TRAPPC9: variants seen among roughly 807,000 people sequenced by gnomAD.
TRAPPC9 encodes IKK2 binding protein.
A neutral mutation model predicts 124.0 loss-of-function variants in TRAPPC9; 83 were observed. The observed-to-expected ratio is 0.67, with a 90% CI of 0.56 to 0.80. The LOEUF (loss-of-function observed/expected upper bound fraction) is 0.80, where lower values mean the gene tolerates loss of function less well. TRAPPC9 is among the 30% of genes least tolerant of loss of function. TRAPPC9 has a pLI of 0.00. For missense variants in TRAPPC9, 1,302 were observed against 1,508.3 expected (o/e 0.86, Z 2.27); for synonymous variants, 638 against 617.5 (o/e 1.03, Z -0.49).
At chr8:139,829,628 C>T (rs1472032766) in intron 21 of TRAPPC9, among the ~76,000 whole-genome samples, 6 of 152,178 alleles carry the variant, frequency 3.9e-5, no homozygotes, top group Admixed American at 6.5e-5. Flanking sequence ...AGAATCAACA[C>T]GAACTCCTGC....
At chr8:140,152,659 C>T (rs555276453) in intron 17 of TRAPPC9, among the ~76,000 whole-genome samples, 67 of 152,164 alleles carry the variant, frequency 4.4e-4, no homozygotes, top group African/African-American at 1.4e-3. Context: ...TGAGCCACTG[C>T]GCCCGGCCAT....
At chr8:140,219,875 C>T (rs540318963) in intron 17 of TRAPPC9, among the ~76,000 whole-genome samples, 26 of 152,296 alleles carry the variant, frequency 1.7e-4, no homozygotes, top group Non-Finnish European at 2.4e-4. Flanking sequence ...TGAATTCAGA[C>T]GAAAGAAACA....
intron 21 of TRAPPC9, among the ~76,000 whole-genome samples, chr8:139,855,269 T>C (rs969939595): frequency 6.6e-6 from 1 of 152,156 alleles, no homozygotes; most frequent in African/African-American, 2.4e-5. Context: ...TTTTCCTCGG[T>C]AATCAGGTGA....
chr8:139,780,016 T>A (rs1490796623), intron 21 of TRAPPC9, among the ~76,000 whole-genome samples: 1 of 152,046 alleles, frequency 6.6e-6, no homozygotes, highest in African/African-American at 2.4e-5. Context: ...GAAAATCAAA[T>A]AAGAACTAAA....
At chr8:140,405,365 C>T in intron 6 of TRAPPC9, 1 of 498,108 alleles carries the variant, frequency 2.0e-6, no homozygotes. Flanking sequence ...CCTTTTTTCT[C>T]TCTTTTCCAA....
chr8:139,985,792 G>A (rs542364653), intron 19 of TRAPPC9, among the ~76,000 whole-genome samples: 3 of 152,296 alleles, frequency 2.0e-5, no homozygotes, highest in South Asian at 2.1e-4. Context: ...CACAGTGAGT[G>A]CATTAGCATG....
chr8:140,119,181 CA>C (rs1180258135), intron 17 of TRAPPC9, among the ~76,000 whole-genome samples: 1 of 152,212 alleles, frequency 6.6e-6, no homozygotes, highest in Non-Finnish European at 1.5e-5. Context: ...GGCAGCCAGC[CA>C]AACCACGCCA....
At chr8:140,191,916 T>A (rs1240795165) in intron 17 of TRAPPC9, among the ~76,000 whole-genome samples, 1 of 152,128 alleles carries the variant, frequency 6.6e-6, no homozygotes, top group African/African-American at 2.4e-5. Context: ...CTTTCCAACA[T>A]GACACTAACA....
At chr8:140,361,440 G>A (rs117741178) in intron 8 of TRAPPC9, among the ~76,000 whole-genome samples, 222 of 152,282 alleles carry the variant, frequency 1.5e-3, no homozygotes, top group Non-Finnish European at 2.7e-3. Context: ...ATGAGAAGGG[G>A]GCCACGCCAA....
intron 18 of TRAPPC9, chr8:140,008,513 C>A (rs1400620899): frequency 1.3e-5 from 2 of 152,266 alleles, no homozygotes; most frequent in Non-Finnish European, 2.9e-5. Context: ...GGTAAAGCAG[C>A]CACTGATGGC....
intron 17 of TRAPPC9, among the ~76,000 whole-genome samples, chr8:140,139,984 T>G (rs1410930392): frequency 1.3e-5 from 2 of 152,210 alleles, no homozygotes; most frequent in Non-Finnish European, 1.5e-5. Context: ...TACCATTTAC[T>G]GAGGGAGTGG....
chr8:140,415,831 G>C (rs934430474), intron 5 of TRAPPC9, among the ~76,000 whole-genome samples: 5 of 151,902 alleles, frequency 3.3e-5, no homozygotes, highest in Non-Finnish European at 7.4e-5. Context: ...AGGCAGGCAT[G>C]GTGCATACCT....
intron 16 of TRAPPC9, among the ~76,000 whole-genome samples, chr8:140,245,892 C>T (rs2063973940): frequency 1.3e-5 from 2 of 152,124 alleles, no homozygotes; most frequent in South Asian, 2.1e-4. Flanking sequence ...CTTACTGTCT[C>T]GACTCATTAA....
intron 11 of TRAPPC9, among the ~76,000 whole-genome samples, chr8:140,299,618 G>A (rs1380678869): frequency 6.6e-6 from 1 of 152,230 alleles, no homozygotes; most frequent in African/African-American, 2.4e-5. Flanking sequence ...GGGCTCAGCC[G>A]GCAGTGGTCC....
intron 5 of TRAPPC9, among the ~76,000 whole-genome samples, chr8:140,406,944 TGTGG>T (rs1169436834): frequency 6.6e-6 from 1 of 152,236 alleles, no homozygotes; most frequent in African/African-American, 2.4e-5. Flanking sequence ...TGACATAAAC[TGTGG>T]GTAGAGAATT....
At chr8:140,278,752 G>A (rs573179486) in intron 14 of TRAPPC9, among the ~76,000 whole-genome samples, 3 of 152,244 alleles carry the variant, frequency 2.0e-5, no homozygotes, top group East Asian at 3.9e-4. Flanking sequence ...CACCACTCCC[G>A]CCAGGCTCCA....
intron 17 of TRAPPC9, among the ~76,000 whole-genome samples, chr8:140,208,552 G>T (rs2062981765): frequency 1.3e-5 from 2 of 152,226 alleles, no homozygotes; most frequent in South Asian, 4.1e-4. Context: ...TAAGTTGCTG[G>T]CATGATCAGA....
intron 21 of TRAPPC9, among the ~76,000 whole-genome samples, chr8:139,864,520 G>C (rs189884238): frequency 2.6e-5 from 4 of 152,148 alleles, no homozygotes; most frequent in Admixed American, 1.3e-4. Context: ...CATAGGCCTC[G>C]TCCTGTGGAT....
chr8:140,006,561 A>T (rs185622150), intron 18 of TRAPPC9, among the ~76,000 whole-genome samples: 2 of 152,380 alleles, frequency 1.3e-5, no homozygotes, highest in African/African-American at 4.8e-5. Context: ...AATGTTCATA[A>T]TAGCATTATT....
Sources: allele counts gnomAD v4.1 joint callset (sites outside exome capture counted in the v4.1 genomes callset), GRCh38; gene constraint gnomAD v4.1.1; transcripts MANE v1.5; gene names NCBI Gene and HGNC (gene_info 2026-07-23, HGNC 2026-07-21).